Variants in COA1 observed in about 807,000 individuals in gnomAD.
The protein encoded by COA1 is cytochrome c oxidase assembly factor 1.
Under a neutral mutation model 16.0 loss-of-function variants are expected in COA1, and 13 were observed. That is an observed-to-expected ratio of 0.81 (90% CI 0.53 to 1.29). The LOEUF is 1.29. COA1 is among the 50% of genes most tolerant of loss of function. The pLI is 0.00. For missense variants in COA1, 179 were observed against 177.0 expected (o/e 1.01, Z -0.06); for synonymous variants, 65 against 65.7 (o/e 0.99, Z 0.05).
intron 2 of COA1, chr7:43,648,308 G>A (rs1046461563): frequency 9.4e-6 from 5 of 534,636 alleles, no homozygotes; most frequent in South Asian, 7.5e-5. Context: ...GAATGTATTA[G>A]TCAGATCTTG....
chr7:43,639,749 A>C, intron 5 of COA1, 68 bp from the exon 6 acceptor site: 2 of 1,245,076 alleles, frequency 1.6e-6, no homozygotes, highest in Admixed American at 3.9e-5. Context: ...AGTCAAAAAA[A>C]GGGGCGCGGA....
At chr7:43,613,648 G>A (rs1454758806) in intron 6 of COA1, among the ~76,000 whole-genome samples, 1 of 152,016 alleles carries the variant, frequency 6.6e-6, no homozygotes, top group Non-Finnish European at 1.5e-5. Context: ...TTTGAGACCA[G>A]CCCAGGCAAC....
chr7:43,619,074 T>G (rs2083608881), intron 6 of COA1, among the ~76,000 whole-genome samples: 1 of 152,180 alleles, frequency 6.6e-6, no homozygotes, highest in Non-Finnish European at 1.5e-5. Context: ...AATACAAGGA[T>G]GCTTGACAGT....
chr7:43,647,671 C>T (rs2089778101), intron 2 of COA1, 37 bp from the exon 3 acceptor site: 3 of 1,534,942 alleles, frequency 2.0e-6, no homozygotes, highest in African/African-American at 1.4e-5. Flanking sequence ...TGTAGGATTC[C>T]CAGTTTTGTG....
exon 7 of COA1, chr7:43,608,718 A>G (rs1260479606): frequency 5.2e-6 from 1 of 191,768 alleles, no homozygotes; most frequent in East Asian, 1.3e-4. Context: ...ATTGCTCACA[A>G]GAGTTAGGAA....
At chr7:43,631,578 C>T (rs2085176443) in intron 6 of COA1, 1 of 152,198 alleles carries the variant, frequency 6.6e-6, no homozygotes, top group South Asian at 2.1e-4. Context: ...TTCCTTCTGG[C>T]CTCCATGGTT....
intron 4 of COA1, chr7:43,641,143 G>T (rs907642763): frequency 6.6e-6 from 1 of 152,172 alleles, no homozygotes; most frequent in Non-Finnish European, 1.5e-5. Flanking sequence ...ACTGCCTCTG[G>T]TGGAGCTGGA....
At chr7:43,705,939 C>T (rs2094954720) in intron 1 of COA1, among the ~76,000 whole-genome samples, 1 of 152,080 alleles carries the variant, frequency 6.6e-6, no homozygotes, top group African/African-American at 2.4e-5. Context: ...CAGCTTCCTC[C>T]CCTTTCAGCC....
At chr7:43,655,297 G>A (rs887454601) in intron 1 of COA1, among the ~76,000 whole-genome samples, 3 of 152,030 alleles carry the variant, frequency 2.0e-5, no homozygotes, top group Non-Finnish European at 2.9e-5. Context: ...AATATTAGCC[G>A]GGCATAGTGG....
At chr7:43,645,982 TC>T (rs2089182691) in intron 3 of COA1, 1 of 153,370 alleles carries the variant, frequency 6.5e-6, no homozygotes, top group South Asian at 2.0e-4. Context: ...CTGCTCTCAG[TC>T]TCAGGAATCC....
downstream of COA1, chr7:43,638,661 T>A (rs1244422069): frequency 6.7e-6 from 1 of 149,074 alleles, no homozygotes; most frequent in African/African-American, 2.5e-5. Context: ...CTGCAGCCTC[T>A]GCCTCCTGGA....
chr7:43,692,526 A>AT (rs975696956), intron 1 of COA1, among the ~76,000 whole-genome samples: 1 of 151,964 alleles, frequency 6.6e-6, no homozygotes, highest in Non-Finnish European at 1.5e-5. Context: ...TTAAAAAACA[A>AT]AACAACAACA....
intron 1 of COA1, among the ~76,000 whole-genome samples, chr7:43,724,444 C>T (rs2132265870): frequency 6.6e-6 from 1 of 151,584 alleles, no homozygotes; most frequent in South Asian, 2.1e-4. Flanking sequence ...CCCAGCTACT[C>T]GAGAGGCTGA....
chr7:43,656,751 A>G lies in COA1; in HGVS notation c.-38-8099T>C, dbSNP rs147339940. Among the ~76,000 whole-genome samples the G allele has an allele frequency of 9.2e-3, 1,405 of 152,358 alleles. 13 individuals carry two copies. Among genetic ancestry groups the G allele is most frequent in the Middle Eastern group, 0.027 (8 of 294 alleles). ...AAAGATAAACAATAATACAGTAGTT[A>G]TTAACATAACATAGCAAATATCATT... On this transcript the variant is annotated intron_variant, in intron 1 of 5. Transcript: ENST00000223336.
intron 1 of COA1, among the ~76,000 whole-genome samples, chr7:43,652,449 T>C (rs2091000135): frequency 6.6e-6 from 1 of 152,084 alleles, no homozygotes. Context: ...CTTTCTGAAC[T>C]AGAAAAAAAG....
intron 6 of COA1, among the ~76,000 whole-genome samples, chr7:43,611,111 C>T (rs147148487): frequency 3.9e-5 from 6 of 152,184 alleles, no homozygotes; most frequent in East Asian, 1.9e-4. Context: ...AATGAGACTC[C>T]GTCTCAAAAC....
chr7:43,696,795 T>G (rs2094542573), intron 1 of COA1, among the ~76,000 whole-genome samples: 1 of 151,992 alleles, frequency 6.6e-6, no homozygotes, highest in Non-Finnish European at 1.5e-5. Flanking sequence ...CACAGGGTGC[T>G]TCAACTGTAT....
In COA1 at chr7:43,654,110, C is replaced by T. The variant is rs73108645; in HGVS notation, c.-38-5458G>A. Among the ~76,000 whole-genome samples, 726 of 152,190 alleles carry T rather than the reference C, an allele frequency of 4.8e-3. 5 individuals carry two copies. Among genetic ancestry groups the T allele is most frequent in the Middle Eastern group, 0.01 (3 of 294 alleles). On this transcript the variant is annotated intron_variant, in intron 1 of 5. Coordinates refer to ENST00000223336, the MANE Select transcript of COA1 (RefSeq NM_018224.4). Reference sequence around the variant, plus strand: ...GACAAATGAACCCTGGCAGAGATGGCCAGAAAGCCTGTGGAGAAAGGGTTC... The same window carrying T: ...GACAAATGAACCCTGGCAGAGATGGTCAGAAAGCCTGTGGAGAAAGGGTTC...
At chr7:43,714,452 A>T (rs1585392432) in intron 1 of COA1, among the ~76,000 whole-genome samples, 1 of 151,610 alleles carries the variant, frequency 6.6e-6, no homozygotes, top group African/African-American at 2.4e-5. Context: ...ACATGGTGAA[A>T]CCCCATCTCT....
Sources: gnomAD v4.1 joint callset for allele counts (sites outside exome capture counted in the v4.1 genomes callset) on GRCh38, gnomAD v4.1.1 for gene constraint, MANE v1.5 for transcripts, NCBI Gene and HGNC (gene_info 2026-07-23, HGNC 2026-07-21) for gene names.